The following TEX15 variants were observed in gnomAD, a reference collection of about 807,000 sequenced individuals.
The protein encoded by TEX15 is testis-expressed protein 15.
Under a neutral mutation model 237.3 loss-of-function variants are expected in TEX15, and 171 were observed. That is an observed-to-expected ratio of 0.72 (90% CI 0.64 to 0.82). The LOEUF (loss-of-function observed/expected upper bound fraction) is 0.82. TEX15 is among the 40% of genes least tolerant of loss of function. The pLI is 0.00. For synonymous variants in TEX15, 1,338 were observed against 1,269.8 expected, an observed-to-expected ratio of 1.05 and a Z score of -1.14; for missense variants, 3,750 against 3,646.5, an observed-to-expected ratio of 1.03 and a Z score of -0.73.
chr8:30,887,228 A>T lies in TEX15; in HGVS notation c.75T>A (p.Thr25=). ...MSSTSKPVLN[T]REVNPLKKFT... ...ATTTCTTCAAAGGATTGACTTCACG[A>T]GTATTCAACACGGGTTTGCTAGTTG... The change falls in exon 3 of 11, where the codon ACT becomes ACA. Residue 25 remains threonine (T), a synonymous_variant. Transcript: ENST00000643185. 1 of 1,535,984 alleles carries T rather than the reference A, an allele frequency of 6.5e-7. No homozygotes were observed. Among genetic ancestry groups the T allele is most frequent in the Middle Eastern group, 1.7e-4 (1 of 5,988 alleles).
Position 30,847,352 on chromosome 8 carries a change from A to T in TEX15, c.2815T>A (p.Leu939Ile). ...CTAATGGTATCTTCTTCACTCTCTA[A>T]TAATGCAGTTGCTGCTGACACTGCA... is the stretch of plus-strand genomic sequence containing the variant. ...DNAVSAATALLESEEDTISAV... is the reference protein window; with the variant it reads ...DNAVSAATALIESEEDTISAV... Residue 939 changes from leucine (L) to isoleucine (I), a missense_variant, in exon 8 of 11, where the codon TTA becomes ATA. Physicochemically the swap from Leu to Ile is conservative, Grantham distance 5. Coordinates refer to ENST00000643185, the MANE Select transcript of TEX15 (RefSeq NM_001350162.2). 1 of 1,613,772 alleles carries T rather than the reference A, an allele frequency of 6.2e-7. No individual in the cohort carries two copies. Among genetic ancestry groups the T allele is most frequent in the Non-Finnish European group, 8.5e-7 (1 of 1,179,894 alleles).
At chr8:30,839,790 T>C in intron 9 of TEX15, 116 bp downstream of exon 9, 1 of 584,736 alleles carries the variant, frequency 1.7e-6, no homozygotes, top group South Asian at 3.9e-5. Context: ...TCTCATCCCC[T>C]AAGTTACATG....
At chr8:30,859,199 A>G (rs1165204127) in intron 6 of TEX15, among the ~76,000 whole-genome samples, 1 of 152,018 alleles carries the variant, frequency 6.6e-6, no homozygotes, top group Non-Finnish European at 1.5e-5. Flanking sequence ...ATATACTTTC[A>G]TTGGGAAGAT....
intron 1 of TEX15, among the ~76,000 whole-genome samples, chr8:30,910,049 T>C (rs891910333): frequency 2.6e-5 from 4 of 152,148 alleles, no homozygotes; most frequent in African/African-American, 9.7e-5. Flanking sequence ...ACCAAAGCAG[T>C]ACATTTACCA....
At chr8:30,864,611 C>T (rs966836615) in intron 5 of TEX15, among the ~76,000 whole-genome samples, 6 of 136,422 alleles carry the variant, frequency 4.4e-5, no homozygotes, top group Non-Finnish European at 7.7e-5. Context: ...GATAATTTCC[C>T]AGACCAGAAA....
rs372715466 is a variant in TEX15, at chr8:30,858,943, C to T, written c.688-113G>A. On this transcript the variant is annotated intron_variant, in intron 6 of 10. Transcript: ENST00000643185. Reference sequence around the variant, plus strand: ...TATTATTTATATACTTCCATATAAACTTCTCCAGCTGCCTTGTTTAACCCT... The same window carrying T: ...TATTATTTATATACTTCCATATAAATTTCTCCAGCTGCCTTGTTTAACCCT... 49 of 649,874 alleles carry T rather than the reference C, an allele frequency of 7.5e-5. No individual in the cohort carries two copies. The South Asian group carries it at 1.6e-3, about 21-fold the overall frequency. The allele number at this position is 649,874 out of a possible 1,614,324, so 40.3% of individuals were successfully genotyped here.
chr8:30,867,577 T>C, intron 4 of TEX15, 75 bp from the exon 5 acceptor site: 1 of 807,008 alleles, frequency 1.2e-6, no homozygotes, highest in South Asian at 1.7e-5. Flanking sequence ...ATATTTCCAC[T>C]TACCACAGTT....
In TEX15 at chr8:30,867,456, GTTC is replaced by G. The variant is rs1384754364; in HGVS notation, c.346_348del (p.Glu116del). ...TGGGGAAGTGCTAAAAAGCAGAACT[GTTC>G]TTCAAGTTCCCTGCAATGTCTTCCA... On this transcript the variant is annotated inframe_deletion, in exon 5 of 11. Transcript: ENST00000643185. 2.6e-6 allele frequency: 4 copies of G among 1,534,440 alleles called. No homozygotes were observed. Among genetic ancestry groups the G allele is most frequent in the East Asian group, 2.4e-5 (1 of 40,824 alleles).
At chr8:30,869,386 A>G in intron 4 of TEX15, among the ~76,000 whole-genome samples, 1 of 152,034 alleles carries the variant, frequency 6.6e-6, no homozygotes, top group East Asian at 1.9e-4. Context: ...GGCATATAAG[A>G]AAACTTACCG....
chr8:30,885,287 G>T (rs1477019889), intron 3 of TEX15, among the ~76,000 whole-genome samples: 1 of 152,132 alleles, frequency 6.6e-6, no homozygotes, highest in Non-Finnish European at 1.5e-5. Context: ...AGTGGGAGAT[G>T]ACTGAACTAT....
intron 5 of TEX15, among the ~76,000 whole-genome samples, chr8:30,865,553 A>G (rs1023094804): frequency 1.3e-5 from 2 of 152,178 alleles, no homozygotes; most frequent in African/African-American, 4.8e-5. Context: ...ATCCTCAACA[A>G]AAGATTAGCA....
chr8:30,863,178 C>T (rs1231745021), intron 5 of TEX15, among the ~76,000 whole-genome samples: 1 of 152,118 alleles, frequency 6.6e-6, no homozygotes. Context: ...TTATACTTAC[C>T]AGTTGATCAT....
intron 1 of TEX15, among the ~76,000 whole-genome samples, chr8:30,912,381 T>A (rs1471564646): frequency 7.1e-6 from 1 of 140,292 alleles, no homozygotes; most frequent in African/African-American, 2.6e-5. Context: ...ACCACGAAGA[T>A]CCCCACGCGC....
chr8:30,874,736 C>G (rs1808366003), intron 4 of TEX15, among the ~76,000 whole-genome samples: 1 of 152,108 alleles, frequency 6.6e-6, no homozygotes, highest in Admixed American at 6.6e-5. Context: ...TCTGAAATCT[C>G]ACTACATTAA....
Position 30,844,634 on chromosome 8 carries a change from A to C in TEX15, c.5533T>G (p.Trp1845Gly). ...GCTTTTTCCGCTTGTTTAACTTTCC[A>C]CGTTATTCTGTCCTCAGTGTCTTTC... The part of the protein sequence containing the change: ...VKKDTEDRIT[W>G]KVKQAEKAKD... Residue 1845 changes from tryptophan to glycine, a missense_variant, in exon 8 of 11, where the codon TGG becomes GGG. Transcript: ENST00000643185. 6.2e-7 allele frequency: 1 copy of C among 1,613,236 alleles called. No homozygotes were observed. Among genetic ancestry groups the C allele is most frequent in the Non-Finnish European group, 8.5e-7 (1 of 1,179,558 alleles).
intron 7 of TEX15, among the ~76,000 whole-genome samples, chr8:30,854,380 T>C (rs1236462922): frequency 6.6e-6 from 1 of 150,934 alleles, no homozygotes; most frequent in Admixed American, 6.6e-5. Context: ...TGTATGCTAA[T>C]AAATTACATA....
In TEX15 at chr8:30,843,306, G is replaced by A. The variant is rs755175434; in HGVS notation, c.6861C>T (p.Phe2287=). The A allele has an allele frequency of 3.1e-6, 5 of 1,610,876 alleles. No homozygotes were observed. The highest frequency in any genetic ancestry group is 4.2e-6 in the Non-Finnish European group (5 of 1,179,020). Residue 2287 remains phenylalanine, a synonymous_variant, in exon 8 of 11, where the codon TTC becomes TTT. Transcript: ENST00000643185. ...NLVWKERTQS[F]SKKYSQKKDE... ...CCTTCTTTTGTGAGTATTTTTTGCT[G>A]AAGGATTGTGTTCTCTCTTTCCAAA...
chr8:30,896,008 G>A (rs1808899774), intron 2 of TEX15, among the ~76,000 whole-genome samples: 1 of 152,148 alleles, frequency 6.6e-6, no homozygotes, highest in East Asian at 1.9e-4. Context: ...AGAAAGTTCA[G>A]TACCATCACA....
Position 30,844,162 on chromosome 8 carries a change from T to C in TEX15, c.6005A>G (p.Gln2002Arg), listed in dbSNP as rs760589206. The C allele has an allele frequency of 1.9e-6, 3 of 1,613,076 alleles. No homozygotes were observed. In the South Asian group the frequency reaches 3.3e-5, roughly 18 times the overall value. The stretch of plus-strand genomic sequence containing the variant: ...TGCTTCATCTGCCCTCTGCAAAATT[T>C]GAGATAGATTAGCTATAAGGGCCGT... ...NHTALIANLS[Q>R]ILQRADEASS... is the part of the protein sequence containing the mutation. Residue 2002 changes from glutamine (Q) to arginine (R), a missense_variant, in exon 8 of 11, where the codon CAA becomes CGA. By Grantham distance (43) the Gln-to-Arg change is conservative. Coordinates refer to ENST00000643185, the MANE Select transcript of TEX15 (RefSeq NM_001350162.2).
Sources: allele counts gnomAD v4.1 joint callset (sites outside exome capture counted in the v4.1 genomes callset), GRCh38; gene constraint gnomAD v4.1.1; transcripts MANE v1.5; gene names NCBI Gene and HGNC (gene_info 2026-07-23, HGNC 2026-07-21).